MTA1: variants seen among roughly 807,000 people sequenced by gnomAD.
MTA1 encodes the protein metastasis associated 1, also known as metastasis-associated protein MTA1.
Under a neutral mutation model 97.0 loss-of-function variants are expected in MTA1, and 15 were observed. The observed-to-expected ratio is 0.15, with a 90% CI of 0.10 to 0.24. The LOEUF is 0.24. Among genes scored for constraint, MTA1 ranks in the 10% least tolerant of loss-of-function variants. The probability of loss-of-function intolerance (pLI) is 1.00; values close to 1 mark genes in which losing one functional copy is unlikely to be tolerated. For missense variants in MTA1, 709 were observed against 1,015.1 expected, an observed-to-expected ratio of 0.70 and a Z score of 4.10; for synonymous variants, 435 against 417.5, an observed-to-expected ratio of 1.04 and a Z score of -0.51.
chr14:105,444,937 C>T (rs369006308), intron 2 of MTA1, among the ~76,000 whole-genome samples: 25 of 152,326 alleles, frequency 1.6e-4, no homozygotes, highest in African/African-American at 4.8e-4. Flanking sequence ...GTTTTACAGC[C>T]GTCTTGACTT....
intron 18 of MTA1, 59 bp downstream of exon 18, chr14:105,466,801 T>C: frequency 6.6e-7 from 1 of 1,522,362 alleles, no homozygotes; most frequent in Non-Finnish European, 8.8e-7. Context: ...GCCTGTGCTG[T>C]GCTGCTCTGT....
At chr14:105,433,395 C>T (rs782673183) in intron 1 of MTA1, among the ~76,000 whole-genome samples, 6 of 152,304 alleles carry the variant, frequency 3.9e-5, no homozygotes, top group Middle Eastern at 3.4e-3. Context: ...CACAAGGCAC[C>T]GCGGTACGTC....
chr14:105,449,965 C>T, intron 4 of MTA1, 93 bp from the exon 5 acceptor site: 3 of 1,567,924 alleles, frequency 1.9e-6, no homozygotes, highest in Non-Finnish European at 1.7e-6. Flanking sequence ...ACTGGGCCTC[C>T]TGCGTGCTGG....
intron 10 of MTA1, 50 bp downstream of exon 10, chr14:105,461,003 AGGTAG>A (rs782669342): frequency 3.8e-6 from 6 of 1,565,554 alleles, no homozygotes. Context: ...GCCCATCTCC[AGGTAG>A]GCTGCGGGGG....
In MTA1 at chr14:105,424,412, A is replaced by AG. The variant is rs1333657239; in HGVS notation, c.28+4350dup. ...GAGACGGGGTTTCACTGTGTTAGCC[A>AG]GTATGGTCTCGATCTCCTGACCTTG... On this transcript the variant is annotated intron_variant, in intron 1 of 20. Coordinates refer to ENST00000331320, the MANE Select transcript of MTA1 (RefSeq NM_004689.4). This position sits in a 1 kb window ranked among gnomAD's most constrained non-coding sequence, Gnocchi z 4.0. Among the ~76,000 whole-genome samples, 2 of 150,906 alleles carry AG rather than the reference A, an allele frequency of 1.3e-5. No individual in the cohort carries two copies. Among genetic ancestry groups the AG allele is most frequent in the Non-Finnish European group, 2.9e-5 (2 of 67,826 alleles).
intron 2 of MTA1, 91 bp downstream of exon 2, chr14:105,438,830 C>T: frequency 7.4e-7 from 1 of 1,347,344 alleles, no homozygotes; most frequent in Non-Finnish European, 1.1e-6. Context: ...GGGTGGCCCC[C>T]TTTCGGGGCT....
Position 105,464,407 on chromosome 14 carries a change from T to C in MTA1, c.1193-9T>C. 3 of 1,612,042 alleles carry C rather than the reference T, an allele frequency of 1.9e-6. No individual in the cohort carries two copies. The highest frequency in any genetic ancestry group is 2.5e-6 in the Non-Finnish European group (3 of 1,178,776). On this transcript the variant is annotated splice_polypyrimidine_tract_variant and intron_variant, in intron 13 of 20. Transcript: ENST00000331320. ...AGAATCCGTCTATTTCCAACTTTGT[T>C]GTCCGTAGCCACACAGTCTTACCAG... is the stretch of plus-strand genomic sequence containing the variant.
chr14:105,467,357 C>T (rs2083637267), intron 18 of MTA1: 2 of 452,796 alleles, frequency 4.4e-6, no homozygotes. Context: ...CCTGGAGCCC[C>T]TTCGCCAGGC....
intron 2 of MTA1, among the ~76,000 whole-genome samples, chr14:105,441,743 G>A (rs28405660): frequency 0.11 from 16,580 of 152,128 alleles, 2,948 homozygotes; most frequent in African/African-American, 0.38. Context: ...GCAGTGAGCC[G>A]AGATCCCGCC....
chr14:105,446,924 T>C (rs2082736414), intron 3 of MTA1, among the ~76,000 whole-genome samples: 1 of 152,096 alleles, frequency 6.6e-6, no homozygotes, highest in Non-Finnish European at 1.5e-5. Context: ...GCGTTCAAGG[T>C]GGGGCATGGT....
chr14:105,440,597 A>G (rs1325198751), intron 2 of MTA1, among the ~76,000 whole-genome samples: 2 of 152,230 alleles, frequency 1.3e-5, no homozygotes, highest in African/African-American at 2.4e-5. Flanking sequence ...TCAGTTACAC[A>G]TGTAGCATTG....
chr14:105,456,853 C>G (rs2083173166), intron 7 of MTA1, among the ~76,000 whole-genome samples: 1 of 152,222 alleles, frequency 6.6e-6, no homozygotes, highest in Non-Finnish European at 1.5e-5. Context: ...TTCACACAGC[C>G]CCAGTCCCTG....
At chr14:105,467,133 GGGGGTGTCTGTGTGGGCCGT>G (rs1314024811) in intron 18 of MTA1, 5 of 384,954 alleles carry the variant, frequency 1.3e-5, no homozygotes, top group Non-Finnish European at 2.5e-5. Flanking sequence ...GAGGGTGGTC[GGGGGTGTCTGTGTGGGCCGT>G]GGGCAACTGA....
chr14:105,436,969 C>T (rs2082344168), intron 1 of MTA1, among the ~76,000 whole-genome samples: 1 of 152,230 alleles, frequency 6.6e-6, no homozygotes, highest in African/African-American at 2.4e-5. Context: ...ACCCACAGGC[C>T]CCCTGTCACT....
chr14:105,449,233 G>C, intron 3 of MTA1, 126 bp from the exon 4 acceptor site: 1 of 891,232 alleles, frequency 1.1e-6, no homozygotes, highest in Non-Finnish European at 1.6e-6. Context: ...CGCCCCACCG[G>C]GAGGCCTGCG....
chr14:105,465,225 C>T (rs34681866), intron 16 of MTA1, 42 bp downstream of exon 16: 2 of 1,461,102 alleles, frequency 1.4e-6, no homozygotes, highest in East Asian at 2.5e-5. Context: ...ATGCTGCCTG[C>T]AGGCAGCTTC....
intron 1 of MTA1, among the ~76,000 whole-genome samples, chr14:105,433,944 C>T (rs2082255570): frequency 6.6e-6 from 1 of 152,180 alleles, no homozygotes; most frequent in Admixed American, 6.5e-5. Flanking sequence ...TCCCCTGCCT[C>T]AGCCTCCCAC....
At chr14:105,442,298 G>A (rs1295458279) in intron 2 of MTA1, among the ~76,000 whole-genome samples, 1 of 152,234 alleles carries the variant, frequency 6.6e-6, no homozygotes, top group African/African-American at 2.4e-5. Flanking sequence ...AGATGAGTGA[G>A]GTTTCCTGAC....
At chr14:105,433,189 C>T (rs936583798) in intron 1 of MTA1, among the ~76,000 whole-genome samples, 1 of 152,152 alleles carries the variant, frequency 6.6e-6, no homozygotes, top group Non-Finnish European at 1.5e-5. Context: ...GGCGTCTCTC[C>T]CAGCAGAGAC....
Sources: allele counts gnomAD v4.1 joint callset (sites outside exome capture counted in the v4.1 genomes callset), GRCh38; gene constraint gnomAD v4.1.1; non-coding constraint Gnocchi (gnomAD v3.1); transcripts MANE v1.5; gene names NCBI Gene and HGNC (gene_info 2026-07-23, HGNC 2026-07-21).